TNR: variants seen among roughly 807,000 people sequenced by gnomAD.
TNR encodes the protein tenascin-R.
A neutral mutation model predicts 150.4 loss-of-function variants in TNR; 45 were observed. The observed-to-expected ratio is 0.30, with a 90% CI of 0.24 to 0.38. The LOEUF (loss-of-function observed/expected upper bound fraction) is 0.38. Among genes scored for constraint, TNR ranks in the 10% least tolerant of loss-of-function variants. The pLI is 1.00. For missense variants in TNR, 1,544 were observed against 1,759.1 expected, an observed-to-expected ratio of 0.88 and a Z score of 2.19; for synonymous variants, 687 against 678.4, an observed-to-expected ratio of 1.01 and a Z score of -0.20.
intron 18 of TNR, among the ~76,000 whole-genome samples, chr1:175,343,848 T>A (rs16848218): frequency 0.15 from 23,102 of 152,178 alleles, 1,894 homozygotes; most frequent in African/African-American, 0.19. Flanking sequence ...TATAGTAATA[T>A]GTAAGGTCCT....
At chr1:175,742,995 C>CA (rs1491058891) in intron 1 of TNR, among the ~76,000 whole-genome samples, 1 of 150,528 alleles carries the variant, frequency 6.6e-6, no homozygotes, top group Non-Finnish European at 1.5e-5. Flanking sequence ...CACACACACA[C>CA]CCGCAAGGCC....
intron 1 of TNR, among the ~76,000 whole-genome samples, chr1:175,585,074 G>A (rs1394747841): frequency 6.6e-6 from 1 of 152,166 alleles, no homozygotes; most frequent in Non-Finnish European, 1.5e-5. Flanking sequence ...ATGATGTGCA[G>A]GCACATTCTG....
intron 1 of TNR, among the ~76,000 whole-genome samples, chr1:175,630,030 C>T (rs1664275143): frequency 6.6e-6 from 1 of 152,160 alleles, no homozygotes; most frequent in Non-Finnish European, 1.5e-5. Flanking sequence ...AGGGTCATTT[C>T]CCAGGACACT....
At chr1:175,582,728 A>G (rs1346987004) in intron 1 of TNR, among the ~76,000 whole-genome samples, 1 of 152,156 alleles carries the variant, frequency 6.6e-6, no homozygotes, top group African/African-American at 2.4e-5. Context: ...TAATGGTTTG[A>G]ATGCTTATAT....
At chr1:175,444,260 T>C (rs1452865342) in intron 2 of TNR, among the ~76,000 whole-genome samples, 1 of 152,190 alleles carries the variant, frequency 6.6e-6, no homozygotes, top group Non-Finnish European at 1.5e-5. Context: ...CCCTGCAAGA[T>C]GAGGATGGGT....
chr1:175,351,602 C>T (rs192381223), intron 18 of TNR, among the ~76,000 whole-genome samples: 1 of 152,172 alleles, frequency 6.6e-6, no homozygotes, highest in Non-Finnish European at 1.5e-5. Flanking sequence ...CTGGTATGTG[C>T]CAGGCTTTGT....
At chr1:175,651,918 C>T (rs1665008447) in intron 1 of TNR, among the ~76,000 whole-genome samples, 2 of 151,178 alleles carry the variant, frequency 1.3e-5, no homozygotes, top group African/African-American at 4.8e-5. Flanking sequence ...GAAATCTGTT[C>T]AAATTACTAT....
rs374366190 is a variant in TNR at position 175,323,545 on chromosome 1, TA to T, written c.3958-70del. 422 of 1,583,824 alleles carry T rather than the reference TA, an allele frequency of 2.7e-4. 1 individual carries two copies. In the African/African-American group the frequency reaches 5.1e-3, roughly 19 times the overall value. ...GGAACGCCCCACTTCAAAAAAGGGG[TA>T]ATTATGGGAACAGGGAATCCACAAT... On this transcript the variant is annotated intron_variant, in intron 22 of 22. Coordinates refer to ENST00000367674, the MANE Select transcript of TNR (RefSeq NM_003285.3).
intron 1 of TNR, among the ~76,000 whole-genome samples, chr1:175,711,286 G>A (rs1273976658): frequency 3.3e-5 from 5 of 152,118 alleles, no homozygotes; most frequent in Non-Finnish European, 5.9e-5. Flanking sequence ...AGCAAGACTT[G>A]GGGAGATGAG....
At chr1:175,547,545 A>G (rs903903786) in intron 1 of TNR, among the ~76,000 whole-genome samples, 9 of 150,068 alleles carry the variant, frequency 6.0e-5, no homozygotes, top group African/African-American at 2.2e-4. Context: ...ATTTAGACAA[A>G]GGAGAAAGAA....
intron 1 of TNR, among the ~76,000 whole-genome samples, chr1:175,662,733 C>T (rs1223682954): frequency 6.6e-6 from 1 of 152,196 alleles, no homozygotes; most frequent in African/African-American, 2.4e-5. Context: ...AGACATTCCA[C>T]AGTCTGGGTG....
chr1:175,645,285 A>C (rs1008335135), intron 1 of TNR, among the ~76,000 whole-genome samples: 2 of 152,236 alleles, frequency 1.3e-5, no homozygotes, highest in Non-Finnish European at 2.9e-5. Flanking sequence ...GATGAGACCA[A>C]GAAAATGAAG....
chr1:175,439,779 C>T lies in TNR; in HGVS notation c.-63-33002G>A, dbSNP rs189245072. On this transcript the variant is annotated intron_variant, in intron 2 of 22. Transcript: ENST00000367674. ...GCCAAAAAACACATGAAAAAGTGCT[C>T]ATCATCACTGGCCATCAGAGAAATG... 6.8e-3 allele frequency among the ~76,000 whole-genome samples: 1,038 copies of T among 152,330 alleles called. 9 individuals carry two copies. Among genetic ancestry groups the T allele is most frequent in the Middle Eastern group, 0.017 (5 of 294 alleles).
intron 2 of TNR, among the ~76,000 whole-genome samples, chr1:175,432,570 C>T (rs547832459): frequency 6.6e-5 from 10 of 152,032 alleles, no homozygotes; most frequent in African/African-American, 2.4e-4. Context: ...GACTTTCTTT[C>T]TTACTTTCCT....
rs1411037511 is a variant in TNR, at chr1:175,331,051, T to TTCTG, written c.3632-817_3632-816insCAGA. ...TTTCTTTCTTTCTTTCTTTCTTTCTTTCTTTCTTTCTTTCTTTCTTTCTTT... is the reference window on the plus strand; with the variant it reads ...TTTCTTTCTTTCTTTCTTTCTTTCTTTCTGTCTTTCTTTCTTTCTTTCTTTCTTT... On this transcript the variant is annotated intron_variant, in intron 20 of 22. Coordinates refer to ENST00000367674, the MANE Select transcript of TNR (RefSeq NM_003285.3). 1.9e-3 allele frequency among the ~76,000 whole-genome samples: 205 copies of TTCTG among 106,768 alleles called. 7 individuals carry two copies. Among genetic ancestry groups the TTCTG allele is most frequent in the African/African-American group, 6.9e-3 (193 of 27,850 alleles). 70.0% of individuals were successfully genotyped at this position (106,768 alleles called of 152,430 possible).
intron 1 of TNR, among the ~76,000 whole-genome samples, chr1:175,711,986 C>T (rs548458729): frequency 1.5e-4 from 23 of 152,204 alleles, no homozygotes; most frequent in African/African-American, 4.3e-4. Flanking sequence ...GGAGAAAGAT[C>T]GGTGCTGCAG....
intron 1 of TNR, among the ~76,000 whole-genome samples, chr1:175,577,508 T>C (rs937654711): frequency 4.6e-5 from 7 of 152,188 alleles, no homozygotes; most frequent in Non-Finnish European, 1.0e-4. Context: ...ATCTTCCATC[T>C]TCACTAGATG....
At chr1:175,589,574 G>A (rs542745062) in intron 1 of TNR, among the ~76,000 whole-genome samples, 1 of 152,224 alleles carries the variant, frequency 6.6e-6, no homozygotes, top group Admixed American at 6.5e-5. Context: ...AAACAGGTAG[G>A]ATGAACAAAA....
intron 2 of TNR, among the ~76,000 whole-genome samples, chr1:175,417,566 ACT>A (rs1195981851): frequency 6.6e-6 from 1 of 152,218 alleles, no homozygotes. Flanking sequence ...CTCTGGAAAC[ACT>A]ACTAATATGT....
Sources: allele counts gnomAD v4.1 joint callset (sites outside exome capture counted in the v4.1 genomes callset), GRCh38; gene constraint gnomAD v4.1.1; transcripts MANE v1.5; gene names NCBI Gene and HGNC (gene_info 2026-07-23, HGNC 2026-07-21).